Variants in ANKDD1A observed in about 807,000 individuals in gnomAD.
The protein encoded by ANKDD1A is ankyrin repeat and death domain containing 1A, also known as ankyrin repeat and death domain-containing protein 1A.
ANKDD1A carries 59 observed loss-of-function variants against 63.5 expected under a neutral mutation model. The observed-to-expected ratio is 0.93, with a 90% CI of 0.75 to 1.15. The LOEUF (loss-of-function observed/expected upper bound fraction) is 1.15, where lower values mean the gene tolerates loss of function less well. Ranked by LOEUF, ANKDD1A falls within the 50% of genes most tolerant of loss-of-function variation. The probability of loss-of-function intolerance (pLI) is 0.00; values close to 1 mark genes in which losing one functional copy is unlikely to be tolerated. For synonymous variants in ANKDD1A, 266 were observed against 263.9 expected (o/e 1.01, Z -0.08); for missense variants, 632 against 656.4 (o/e 0.96, Z 0.41).
At chr15:64,952,103 T>C (rs1325123887) in intron 14 of ANKDD1A, among the ~76,000 whole-genome samples, 1 of 24,508 alleles carries the variant, frequency 4.1e-5, no homozygotes, top group African/African-American at 7.3e-5. Context: ...TCTTCTTCCT[T>C]CTTTTCTTCT....
At chr15:64,943,752 C>T (rs2085203457) in intron 11 of ANKDD1A, 170 bp downstream of exon 11, 2 of 644,336 alleles carry the variant, frequency 3.1e-6, no homozygotes, top group Non-Finnish European at 5.5e-6. Flanking sequence ...TGACCTTCCA[C>T]CACCTTCCCC....
intron 4 of ANKDD1A, among the ~76,000 whole-genome samples, chr15:64,924,992 C>T (rs955017244): frequency 6.6e-5 from 10 of 151,154 alleles, no homozygotes; most frequent in Admixed American, 1.3e-4. Flanking sequence ...TTTGGGAGGC[C>T]GAGGCAGGCA....
intron 5 of ANKDD1A, among the ~76,000 whole-genome samples, chr15:64,926,398 G>C (rs2085046460): frequency 6.6e-6 from 1 of 152,106 alleles, no homozygotes; most frequent in Non-Finnish European, 1.5e-5. Flanking sequence ...AGGACTAGGT[G>C]GGTTAGAAAA....
At chr15:64,948,719 G>A (rs773147036) in intron 13 of ANKDD1A, among the ~76,000 whole-genome samples, 4 of 151,778 alleles carry the variant, frequency 2.6e-5, no homozygotes, top group Admixed American at 1.3e-4. Flanking sequence ...CCAGCTGCTC[G>A]ACAGGCTGAG....
At chr15:64,920,938 G>T (rs1014909719) in intron 3 of ANKDD1A, among the ~76,000 whole-genome samples, 3 of 152,066 alleles carry the variant, frequency 2.0e-5, no homozygotes, top group African/African-American at 7.2e-5. Flanking sequence ...CAGGGACAAC[G>T]TATTTTTCAT....
chr15:64,955,126 T>C (rs2085406800), intron 14 of ANKDD1A, among the ~76,000 whole-genome samples: 1 of 152,026 alleles, frequency 6.6e-6, no homozygotes, highest in Non-Finnish European at 1.5e-5. Context: ...CAATCTTGGC[T>C]CACTGCAACC....
At position 64,953,586 on chromosome 15, in the gene ANKDD1A, TTCCTTC is replaced by T. The variant is rs1261439085; in HGVS notation, c.1484-3511_1484-3506del. ...TCCTCCTTCTTCTTAGTTCTTCTTC[TTCCTTC>T]TCCTTTTCTTCTTTCTTCTCTCCTT... On this transcript the variant is annotated intron_variant, in intron 14 of 14. Transcript: ENST00000319580. Among the ~76,000 whole-genome samples the T allele has an allele frequency of 4.1e-4, 4 of 9,724 alleles. No homozygotes were observed. The Admixed American group carries it at 6.0e-3, about 15-fold the overall frequency. 6.4% of individuals were successfully genotyped at this position (9,724 alleles called of 152,430 possible).
chr15:64,944,718 A>C lies in ANKDD1A; in HGVS notation c.1132A>C (p.Lys378Gln). The C allele has an allele frequency of 1.2e-6, 2 of 1,614,126 alleles. No individual in the cohort carries two copies. Among genetic ancestry groups the C allele is most frequent in the Non-Finnish European group, 1.7e-6 (2 of 1,179,984 alleles). The change falls in exon 12 of 15, where the codon AAA becomes CAA. Residue 378 changes from lysine to glutamine, a missense_variant. Lys to Gln is a moderately conservative substitution (Grantham distance 53, BLOSUM62 1). Transcript: ENST00000319580. ...TGTCAGCCTGGTGGACATGATCATA[A>C]AAGCTGATCGTTTCTACAGATGGGA... ...NHVSLVDMIIKADRFYRWEKD... is the reference protein window; with the variant it reads ...NHVSLVDMIIQADRFYRWEKD...
intron 14 of ANKDD1A, among the ~76,000 whole-genome samples, chr15:64,953,168 CTTTTCTTCT>C (rs1479082569): frequency 1.0e-4 from 9 of 85,904 alleles, no homozygotes; most frequent in East Asian, 6.5e-4. Context: ...TTCTTTCCTT[CTTTTCTTCT>C]TTTTCTTCTT....
chr15:64,934,330 T>C, intron 9 of ANKDD1A, 96 bp downstream of exon 9: 1 of 1,183,186 alleles, frequency 8.5e-7, no homozygotes, highest in Non-Finnish European at 1.2e-6. Context: ...ATCGGATCCT[T>C]GGGGTTGGGG....
chr15:64,956,824 A>G (rs1258115455), intron 14 of ANKDD1A, among the ~76,000 whole-genome samples: 1 of 152,180 alleles, frequency 6.6e-6, no homozygotes, highest in Non-Finnish European at 1.5e-5. Context: ...AAGTGCTGGG[A>G]CTACAGGCAT....
chr15:64,951,769 T>TC (rs2085286633), intron 14 of ANKDD1A, among the ~76,000 whole-genome samples: 3 of 146,992 alleles, frequency 2.0e-5, no homozygotes, highest in East Asian at 1.9e-4. Context: ...TTCCTTTTCT[T>TC]CTTCTTTCCT....
chr15:64,953,615 C>CCTCTTCTTCTCCTTCTTAGTTCTTCTTTG (rs1206540695), intron 14 of ANKDD1A, among the ~76,000 whole-genome samples: 1 of 108,908 alleles, frequency 9.2e-6, no homozygotes, highest in Non-Finnish European at 1.9e-5. Context: ...TTCTTCTCTC[C>CCTCTTCTTCTCCTTCTTAGTTCTTCTTTG]TTCTTCTTCT....
Position 64,915,797 on chromosome 15 carries a change from T to C in ANKDD1A, c.35T>C (p.Leu12Pro), listed in dbSNP as rs775768426. Residue 12 changes from leucine (L) to proline (P), a missense_variant and splice_region_variant, in exon 2 of 15, where the codon CTG becomes CCG. By Grantham distance (98) the Leu-to-Pro change is moderately conservative (BLOSUM62 -3). Transcript: ENST00000319580. ...QEELAWETDG[L>P]LPLERQLHEA... ...CCTGCACCCCATTTTCTCCCCACAG[T>C]GCTTCCTCTGGAGAGGCAGCTCCAC... 6.2e-7 allele frequency: 1 copy of C among 1,613,718 alleles called. No homozygotes were observed. The highest frequency in any genetic ancestry group is 1.3e-5 in the African/African-American group (1 of 74,922).
At chr15:64,923,512 G>C (rs1044055133) in intron 4 of ANKDD1A, among the ~76,000 whole-genome samples, 3 of 151,948 alleles carry the variant, frequency 2.0e-5, no homozygotes, top group Admixed American at 6.6e-5. Context: ...TAAATATTCT[G>C]AGAAGGGGTC....
chr15:64,917,186 C>T (rs1429210961), intron 2 of ANKDD1A, among the ~76,000 whole-genome samples, 200 bp from the exon 3 acceptor site: 1 of 152,176 alleles, frequency 6.6e-6, no homozygotes, highest in Non-Finnish European at 1.5e-5. Flanking sequence ...TGGGTCCAGT[C>T]ATTTTACTAT....
intron 14 of ANKDD1A, among the ~76,000 whole-genome samples, chr15:64,954,718 T>TCTCCTTCTCCTTCTC (rs2085395988): frequency 7.1e-6 from 1 of 141,010 alleles, no homozygotes; most frequent in Non-Finnish European, 1.5e-5. Flanking sequence ...TTCTTCTCCT[T>TCTCCTTCTCCTTCTC]CTCCTCCTCC....
intron 12 of ANKDD1A, among the ~76,000 whole-genome samples, chr15:64,945,725 T>G (rs1214427861): frequency 1.3e-5 from 2 of 149,052 alleles, no homozygotes; most frequent in Non-Finnish European, 3.0e-5. Context: ...CTCTGCCTAC[T>G]GGGTTCAAGC....
chr15:64,952,505 T>C (rs1405184676), intron 14 of ANKDD1A, among the ~76,000 whole-genome samples: 5 of 90,266 alleles, frequency 5.5e-5, no homozygotes, highest in Admixed American at 1.3e-4. Context: ...GTCTTCTCCT[T>C]CTTCTTACTT....
Sources: gnomAD v4.1 joint callset for allele counts (sites outside exome capture counted in the v4.1 genomes callset) on GRCh38, gnomAD v4.1.1 for gene constraint, MANE v1.5 for transcripts, NCBI Gene and HGNC (gene_info 2026-07-23, HGNC 2026-07-21) for gene names.